Variants in APPBP2 observed in about 807,000 individuals in gnomAD.
The protein encoded by APPBP2 is amyloid protein-binding protein 2.
APPBP2 carries 15 observed loss-of-function variants against 76.0 expected under a neutral mutation model. That is an observed-to-expected ratio of 0.20 (90% CI 0.13 to 0.30). The LOEUF (loss-of-function observed/expected upper bound fraction) is 0.30, where lower values mean the gene tolerates loss of function less well. Ranked by LOEUF, APPBP2 falls within the 10% of genes least tolerant of loss-of-function variation. The pLI, the probability that APPBP2 is intolerant of heterozygous loss-of-function variation, is 1.00. For missense variants in APPBP2, 401 were observed against 687.2 expected (o/e 0.58, Z 4.66); for synonymous variants, 222 against 242.2 (o/e 0.92, Z 0.77).
chr17:60,466,186 T>C (rs2090509424), intron 5 of APPBP2, 105 bp downstream of exon 5: 2 of 1,123,504 alleles, frequency 1.8e-6, no homozygotes, highest in East Asian at 2.4e-5. Context: ...ATAAACCTAA[T>C]ATGTAAAAGA....
intron 2 of APPBP2, 23 bp downstream of exon 2, chr17:60,500,376 C>T (rs2090813252): frequency 6.7e-7 from 1 of 1,492,554 alleles, no homozygotes; most frequent in South Asian, 1.2e-5. Context: ...GTATATTTTA[C>T]AATTTTTTAA....
intron 1 of APPBP2, among the ~76,000 whole-genome samples, chr17:60,510,386 C>T (rs1394780599): frequency 6.6e-6 from 1 of 151,836 alleles, no homozygotes; most frequent in Non-Finnish European, 1.5e-5. Flanking sequence ...CTGGACAACA[C>T]AGCAAAATCC....
At chr17:60,499,238 G>T (rs898714965) in intron 2 of APPBP2, among the ~76,000 whole-genome samples, 4 of 151,960 alleles carry the variant, frequency 2.6e-5, no homozygotes, top group African/African-American at 9.7e-5. Context: ...GGCTGAGGTG[G>T]GAGGATGGCT....
chr17:60,452,736 C>G (rs1232736998), intron 11 of APPBP2, among the ~76,000 whole-genome samples: 2 of 152,054 alleles, frequency 1.3e-5, no homozygotes, highest in Non-Finnish European at 2.9e-5. Flanking sequence ...GCCTGGGCAA[C>G]AGGGCTGGGC....
intron 3 of APPBP2, among the ~76,000 whole-genome samples, chr17:60,491,704 C>T (rs1450668258): frequency 6.6e-6 from 1 of 152,134 alleles, no homozygotes; most frequent in Non-Finnish European, 1.5e-5. Context: ...CCTTGGCCTC[C>T]CAAAGTGCTG....
Position 60,447,569 on chromosome 17 carries a change from T to C in APPBP2, c.*12A>G, listed in dbSNP as rs375197704. The stretch of plus-strand genomic sequence containing the variant: ...ATCCGGGAAAAGGTAATTGGTTAAC[T>C]GAGGTCCTCCCTCAGCAGCTCGGTC... On this transcript the variant is annotated 3_prime_UTR_variant, in exon 13 of 13. Coordinates refer to ENST00000083182, the MANE Select transcript of APPBP2 (RefSeq NM_006380.5). 62 of 1,596,108 alleles carry C rather than the reference T, an allele frequency of 3.9e-5. No individual in the cohort carries two copies. Among genetic ancestry groups the C allele is most frequent in the Non-Finnish European group, 5.2e-5 (61 of 1,170,492 alleles).
intron 1 of APPBP2, among the ~76,000 whole-genome samples, chr17:60,514,164 G>A (rs2090944093): frequency 6.6e-6 from 1 of 152,006 alleles, no homozygotes; most frequent in South Asian, 2.1e-4. Flanking sequence ...AAAATTAGCT[G>A]AGCATGCAGT....
chr17:60,520,139 A>G (rs1269087537), intron 1 of APPBP2, among the ~76,000 whole-genome samples: 1 of 152,138 alleles, frequency 6.6e-6, no homozygotes, highest in Non-Finnish European at 1.5e-5. Flanking sequence ...GGCTGTATGT[A>G]GCTATACAAC....
At position 60,446,301 on chromosome 17, in the gene APPBP2, T is replaced by C. The variant is rs1262695453; in HGVS notation, c.*1280A>G. Reference sequence around the variant, plus strand: ...ATTCTTAAATTTGATTATTACCTCATCATTAAATAACCTGACTGGCTTACA... The same window carrying C: ...ATTCTTAAATTTGATTATTACCTCACCATTAAATAACCTGACTGGCTTACA... On this transcript the variant is annotated 3_prime_UTR_variant, in exon 13 of 13. Coordinates refer to ENST00000083182, the MANE Select transcript of APPBP2 (RefSeq NM_006380.5). The C allele has an allele frequency of 1.3e-5, 2 of 152,570 alleles. No individual in the cohort carries two copies. Among genetic ancestry groups the C allele is most frequent in the Admixed American group, 6.5e-5 (1 of 15,272 alleles). The allele number at this position is 152,570 out of a possible 1,614,324, so 9.5% of individuals were successfully genotyped here. A position where few individuals can be genotyped will look rare whatever the true frequency, so the allele number is the denominator to read the frequency against.
At chr17:60,462,249 A>T (rs1418507953) in intron 6 of APPBP2, 188 bp from the exon 7 acceptor site, 3 of 536,664 alleles carry the variant, frequency 5.6e-6, no homozygotes, top group South Asian at 2.9e-5. Flanking sequence ...AGATCTGTAT[A>T]TAAGCTGGGA....
At chr17:60,449,351 G>GTCAACCT (rs2090373714) in intron 12 of APPBP2, among the ~76,000 whole-genome samples, 1 of 152,156 alleles carries the variant, frequency 6.6e-6, no homozygotes, top group Non-Finnish European at 1.5e-5. Flanking sequence ...CAGCACTTTG[G>GTCAACCT]GAGGCCCAGG....
chr17:60,520,001 C>T (rs968351177), intron 1 of APPBP2, among the ~76,000 whole-genome samples: 2 of 151,672 alleles, frequency 1.3e-5, no homozygotes, highest in African/African-American at 4.8e-5. Flanking sequence ...CCAGGCTGGT[C>T]TCGAACTCCT....
At chr17:60,458,952 T>C (rs889376078) in intron 9 of APPBP2, among the ~76,000 whole-genome samples, 1 of 152,028 alleles carries the variant, frequency 6.6e-6, no homozygotes, top group African/African-American at 2.4e-5. Flanking sequence ...TTTGTATTTT[T>C]AGTAGAGACG....
intron 1 of APPBP2, among the ~76,000 whole-genome samples, chr17:60,508,147 T>A (rs117302921): frequency 0.022 from 3,399 of 152,232 alleles, 59 homozygotes; most frequent in Non-Finnish European, 0.036. Context: ...CTAATTTGTG[T>A]AGTTTTTGGT....
At chr17:60,493,788 C>T (rs115994178) in intron 3 of APPBP2, among the ~76,000 whole-genome samples, 2,269 of 151,798 alleles carry the variant, frequency 0.015, 50 homozygotes, top group African/African-American at 0.051. Context: ...TACTGGCATG[C>T]GTCACCACAC....
At chr17:60,494,747 C>T in intron 2 of APPBP2, 130 bp from the exon 3 acceptor site, 1 of 863,054 alleles carries the variant, frequency 1.2e-6, no homozygotes, top group Non-Finnish European at 1.7e-6. Context: ...AAGCATTTTG[C>T]CTTATCAATT....
intron 3 of APPBP2, among the ~76,000 whole-genome samples, chr17:60,493,597 G>T (rs2090748788): frequency 6.7e-6 from 1 of 149,376 alleles, no homozygotes; most frequent in African/African-American, 2.5e-5. Context: ...GCCTTCTAAA[G>T]TGCTAGAATT....
chr17:60,503,097 C>T (rs1445419654), intron 1 of APPBP2, among the ~76,000 whole-genome samples: 3 of 143,268 alleles, frequency 2.1e-5, no homozygotes, highest in Non-Finnish European at 4.4e-5. Flanking sequence ...ACTGCAACCT[C>T]CACCTCCTGG....
intron 1 of APPBP2, among the ~76,000 whole-genome samples, chr17:60,505,107 T>C (rs759480119): frequency 1.3e-5 from 2 of 152,198 alleles, no homozygotes; most frequent in African/African-American, 4.8e-5. Context: ...ACAATGCTTA[T>C]ATATATGGTA....
Sources: gnomAD v4.1 joint callset for allele counts (sites outside exome capture counted in the v4.1 genomes callset) on GRCh38, gnomAD v4.1.1 for gene constraint, MANE v1.5 for transcripts, NCBI Gene and HGNC (gene_info 2026-07-23, HGNC 2026-07-21) for gene names.